The following SMC1A variants were observed in gnomAD, a reference collection of about 807,000 sequenced individuals.
SMC1A encodes the protein structural maintenance of chromosomes protein 1A.
Under a neutral mutation model 94.5 loss-of-function variants are expected in SMC1A, and 4 were observed. The ratio of observed to expected loss-of-function variants is 0.04; its 90% confidence interval spans 0.02 to 0.10. The LOEUF (loss-of-function observed/expected upper bound fraction) is 0.10. Among genes scored for constraint, SMC1A ranks in the 10% least tolerant of loss-of-function variants. The pLI is 1.00. For missense variants in SMC1A, 304 were observed against 989.0 expected (o/e 0.31, Z 9.29); for synonymous variants, 345 against 347.7 (o/e 0.99, Z 0.09).
chrX:53,401,246 A>T (rs980126821), intron 15 of SMC1A, among the ~76,000 whole-genome samples: 2 of 111,537 alleles, frequency 1.8e-5, no homozygotes, highest in Non-Finnish European at 3.8e-5. Context: ...CAAGTTAATC[A>T]TATCCCACAG....
chrX:53,396,123 CCCA>C (rs1436771082), intron 18 of SMC1A, 101 bp downstream of exon 18: 4 of 942,335 alleles, frequency 4.2e-6, no homozygotes, highest in East Asian at 6.1e-5. Context: ...TCACCATCTG[CCCA>C]CCATCTTTCT....
At chrX:53,385,437 A>AT (rs1181698520) in intron 19 of SMC1A, among the ~76,000 whole-genome samples, 12 of 103,817 alleles carry the variant, frequency 1.2e-4, no homozygotes, top group African/African-American at 1.4e-4. Flanking sequence ...TGCCCGGCTA[A>AT]TTTTTTTTTT....
chrX:53,400,496 G>T (rs1234370825), intron 15 of SMC1A, among the ~76,000 whole-genome samples: 5 of 111,501 alleles, frequency 4.5e-5, no homozygotes, highest in African/African-American at 1.3e-4. Flanking sequence ...CCGAGTCCAC[G>T]ATAACTACTC....
In SMC1A at chrX:53,405,042, G is replaced by T; in HGVS notation, c.2166C>A (p.Thr722=). ...LKYSQSDLEQ[T]KTRHLALNLQ... ...GATTCAGGGCTAGATGTCGTGTCTT[G>T]GTCTGTTCTAGGTCACTCTGGGAGT... The change falls in exon 13 of 25, where the codon ACC becomes ACA. Residue 722 remains threonine (T), a synonymous_variant. Transcript: ENST00000322213. The T allele has an allele frequency of 8.3e-7, 1 of 1,202,724 alleles. No homozygotes were observed. Among genetic ancestry groups the T allele is most frequent in the Non-Finnish European group, 1.1e-6 (1 of 891,061 alleles).
chrX:53,394,851 T>C lies in SMC1A; in HGVS notation c.2900A>G (p.Gln967Arg). The change falls in exon 19 of 25, where the codon CAG (glutamine) becomes CGG (arginine). Residue 967 changes from glutamine (Q) to arginine (R), a missense_variant. Transcript: ENST00000322213. ...SQGEDSVSGS[Q>R]RISSIYAREA... The stretch of plus-strand genomic sequence containing the variant: ...TCGTGCATAGATACTGGAAATTCTC[T>C]GTGAACCACTCACTGAGTCCTCCCC... 3.3e-6 allele frequency: 4 copies of C among 1,198,583 alleles called. No homozygotes were observed. The highest frequency in any genetic ancestry group is 4.5e-6 in the Non-Finnish European group (4 of 885,239).
At chrX:53,419,519 C>A (rs1178370103) in intron 1 of SMC1A, among the ~76,000 whole-genome samples, 4 of 104,584 alleles carry the variant, frequency 3.8e-5, no homozygotes, top group Non-Finnish European at 5.9e-5. Context: ...AGAGCAAGAC[C>A]CTGACTCCAA....
chrX:53,417,250 T>C (rs1556891412), intron 1 of SMC1A, among the ~76,000 whole-genome samples: 1 of 111,084 alleles, frequency 9.0e-6, no homozygotes, highest in Non-Finnish European at 1.9e-5. Flanking sequence ...AAAAAGTCAG[T>C]GTCTAAAAAG....
At chrX:53,397,253 A>G (rs2075654710) in intron 16 of SMC1A, among the ~76,000 whole-genome samples, 1 of 111,959 alleles carries the variant, frequency 8.9e-6, no homozygotes, top group Non-Finnish European at 1.9e-5. Flanking sequence ...TGATTTTTAC[A>G]AAGGAAAATT....
intron 19 of SMC1A, among the ~76,000 whole-genome samples, chrX:53,393,338 A>G (rs1476648238): frequency 1.8e-5 from 2 of 111,619 alleles, no homozygotes; most frequent in Non-Finnish European, 3.8e-5. Flanking sequence ...AAAATAAAAT[A>G]AAAACGAAGA....
At chrX:53,420,715 T>C (rs1405746422) in intron 1 of SMC1A, among the ~76,000 whole-genome samples, 3 of 110,800 alleles carry the variant, frequency 2.7e-5, no homozygotes, top group African/African-American at 9.9e-5. Flanking sequence ...TATCCAACCT[T>C]TGGGCTTCTC....
intron 19 of SMC1A, among the ~76,000 whole-genome samples, chrX:53,393,343 CGAA>C (rs781844629): frequency 9.1e-6 from 1 of 109,998 alleles, no homozygotes; most frequent in Non-Finnish European, 1.9e-5. Context: ...AAAATAAAAA[CGAA>C]GAAGAAAATG....
At chrX:53,394,731 T>TTGCC in intron 19 of SMC1A, 47 bp downstream of exon 19, 1 of 416,231 alleles carries the variant, frequency 2.4e-6, no homozygotes, top group Non-Finnish European at 4.4e-6. Flanking sequence ...ATAGTCCCAC[T>TTGCC]CCCACCCAAC....
intron 9 of SMC1A, among the ~76,000 whole-genome samples, chrX:53,406,742 C>T (rs1354301657): frequency 3.6e-5 from 4 of 111,783 alleles, no homozygotes; most frequent in Admixed American, 9.5e-5. Context: ...CTGTTGCCCA[C>T]GCTGAAGTGC....
In SMC1A at chrX:53,383,250, C is replaced by A. The variant is rs782127256; in HGVS notation, c.2977G>T (p.Ala993Ser). The A allele has an allele frequency of 1.3e-4, 149 of 1,167,538 alleles. No individual in the cohort carries two copies. The highest frequency in any genetic ancestry group is 1.7e-4 in the Non-Finnish European group (145 of 873,585). Reference protein sequence around the residue: ...YGDLCEDLKDAQAEEEIKQEM... With the variant: ...YGDLCEDLKDSQAEEEIKQEM... ...TGCTTGATCTCTTCCTCAGCCTGGG[C>A]ATCCTGTAAGCCCCAGGCCCAGCAA... Residue 993 changes from alanine (A) to serine (S), a missense_variant, in exon 20 of 25, where the codon GCC becomes TCC. By Grantham distance (99) the Ala-to-Ser change is moderately conservative. Coordinates refer to ENST00000322213, the MANE Select transcript of SMC1A (RefSeq NM_006306.4).
chrX:53,404,841 A>G (rs1363783874), intron 13 of SMC1A, 171 bp downstream of exon 13: 2 of 526,155 alleles, frequency 3.8e-6, no homozygotes, highest in Non-Finnish European at 6.6e-6. Context: ...GTCAAACTCA[A>G]GGCAGAGCCA....
At chrX:53,404,008 T>C in intron 13 of SMC1A, 115 bp from the exon 14 acceptor site, 1 of 574,730 alleles carries the variant, frequency 1.7e-6, no homozygotes, top group Non-Finnish European at 3.1e-6. Flanking sequence ...TGAGAGAACC[T>C]GGCTTAGCAC....
intron 19 of SMC1A, among the ~76,000 whole-genome samples, chrX:53,386,826 C>A (rs1344014918): frequency 9.0e-6 from 1 of 111,706 alleles, no homozygotes; most frequent in African/African-American, 3.2e-5. Context: ...ACAAAGAAAC[C>A]TAACTATATA....
In SMC1A at chrX:53,405,505, G is replaced by A. The variant is rs1309154280; in HGVS notation, c.1899C>T (p.His633=). ...EDARRIAFGG[H]QRHKTVALDG... ...AGGGAATCCACACCTTGTGGCGCTGGTGGCCTCCAAAGGCAATGCGGCGGG... is the reference window on the plus strand; with the variant it reads ...AGGGAATCCACACCTTGTGGCGCTGATGGCCTCCAAAGGCAATGCGGCGGG... Residue 633 remains histidine (H), a synonymous_variant, in exon 11 of 25, where the codon CAC becomes CAT. Coordinates refer to ENST00000322213, the MANE Select transcript of SMC1A (RefSeq NM_006306.4). 1 of 1,212,184 alleles carries A rather than the reference G, an allele frequency of 8.2e-7. No individual in the cohort carries two copies. Among genetic ancestry groups the A allele is most frequent in the African/African-American group, 1.7e-5 (1 of 57,960 alleles).
Position 53,412,263 on chromosome X carries a change from G to T in SMC1A, c.855-10C>A. ...TTCTGAGTCCTTCTCCCTTTTGCCA[G>T]AGGGGTGGGGGAAACCAGTGAGAAC... On this transcript the variant is annotated splice_polypyrimidine_tract_variant and intron_variant, in intron 5 of 24. Transcript: ENST00000322213. 1 of 1,210,085 alleles carries T rather than the reference G, an allele frequency of 8.3e-7. No homozygotes were observed. The highest frequency in any genetic ancestry group is 1.7e-5 in the African/African-American group (1 of 57,751).
Sources: allele counts gnomAD v4.1 joint callset (sites outside exome capture counted in the v4.1 genomes callset), GRCh38; gene constraint gnomAD v4.1.1; transcripts MANE v1.5; gene names NCBI Gene and HGNC (gene_info 2026-07-23, HGNC 2026-07-21).